Variants in GALNTL6 observed in about 807,000 individuals in gnomAD.
The protein encoded by GALNTL6 is polypeptide N-acetylgalactosaminyltransferase-like 6.
Under a neutral mutation model 73.7 loss-of-function variants are expected in GALNTL6, and 46 were observed. That is an observed-to-expected ratio of 0.62 (90% confidence interval 0.49 to 0.80). The LOEUF (loss-of-function observed/expected upper bound fraction) is 0.80, where lower values mean the gene tolerates loss of function less well. Among genes scored for constraint, GALNTL6 ranks in the 30% least tolerant of loss-of-function variants. The pLI is 0.00. For synonymous variants in GALNTL6, 259 were observed against 263.7 expected (o/e 0.98, Z 0.17); for missense variants, 604 against 755.0 (o/e 0.80, Z 2.34).
intron 2 of GALNTL6, among the ~76,000 whole-genome samples, chr4:172,088,417 G>C (rs1732110021): frequency 2.6e-5 from 4 of 152,110 alleles, no homozygotes. Context: ...GGAAATTACA[G>C]AAAAATGATT....
At chr4:171,955,874 T>C (rs1181846610) in intron 2 of GALNTL6, among the ~76,000 whole-genome samples, 2 of 152,166 alleles carry the variant, frequency 1.3e-5, no homozygotes, top group Admixed American at 6.5e-5. Context: ...AAAAAGACAT[T>C]GAAGCTTTTC....
intron 2 of GALNTL6, among the ~76,000 whole-genome samples, chr4:171,936,280 G>A (rs1165550272): frequency 2.0e-5 from 3 of 152,090 alleles, no homozygotes; most frequent in African/African-American, 4.8e-5. Flanking sequence ...TTCAGTACTT[G>A]GAAAAGGTAT....
chr4:172,401,456 T>C, intron 5 of GALNTL6, among the ~76,000 whole-genome samples: 1 of 152,296 alleles, frequency 6.6e-6, no homozygotes, highest in Non-Finnish European at 1.5e-5. Flanking sequence ...GTCATTTCTA[T>C]ATAGGTTAAA....
Position 171,865,884 on chromosome 4 carries a change from C to A in GALNTL6, c.138+51166C>A, listed in dbSNP as rs140310116. 1.3e-3 allele frequency among the ~76,000 whole-genome samples: 197 copies of A among 152,276 alleles called. 1 individual carries two copies. The highest frequency in any genetic ancestry group is 1.3e-3 in the Non-Finnish European group (89 of 67,996). ...ATGATTGCATTCTGTCAATACATTT[C>A]ATGATTGTGTTCTGTCAAACTTTTA... On this transcript the variant is annotated intron_variant, in intron 2 of 12. Coordinates refer to ENST00000506823, the MANE Select transcript of GALNTL6 (RefSeq NM_001034845.3).
chr4:172,064,471 T>A (rs922877838), intron 2 of GALNTL6, among the ~76,000 whole-genome samples: 2 of 152,228 alleles, frequency 1.3e-5, no homozygotes, highest in African/African-American at 4.8e-5. Flanking sequence ...CACAAACCTT[T>A]CTTGTGTCAC....
At chr4:172,221,365 T>G (rs1342974293) in intron 2 of GALNTL6, among the ~76,000 whole-genome samples, 1 of 151,744 alleles carries the variant, frequency 6.6e-6, no homozygotes, top group Admixed American at 6.6e-5. Flanking sequence ...AATATCCTTC[T>G]GAAGAAAAAT....
chr4:172,527,823 A>T (rs1246526504), intron 5 of GALNTL6, among the ~76,000 whole-genome samples: 1 of 152,024 alleles, frequency 6.6e-6, no homozygotes, highest in Non-Finnish European at 1.5e-5. Flanking sequence ...GAAACATTAT[A>T]TATTTTTGTT....
chr4:172,444,797 A>G (rs1231678988), intron 5 of GALNTL6, among the ~76,000 whole-genome samples: 1 of 152,126 alleles, frequency 6.6e-6, no homozygotes, highest in African/African-American at 2.4e-5. Flanking sequence ...TGAATCCTTA[A>G]TAGCTTCTAT....
chr4:172,129,226 A>G (rs539581923), intron 2 of GALNTL6, among the ~76,000 whole-genome samples: 1 of 152,352 alleles, frequency 6.6e-6, no homozygotes, highest in Non-Finnish European at 1.5e-5. Flanking sequence ...AATACAAATA[A>G]AAACGTCAAC....
chr4:172,152,589 A>T (rs1029998816), intron 2 of GALNTL6, among the ~76,000 whole-genome samples: 1 of 152,226 alleles, frequency 6.6e-6, no homozygotes, highest in Admixed American at 6.5e-5. Flanking sequence ...AAGATAGCTC[A>T]GAAGTTTCAG....
intron 2 of GALNTL6, among the ~76,000 whole-genome samples, chr4:172,001,350 T>C (rs147432140): frequency 6.6e-6 from 1 of 152,288 alleles, no homozygotes; most frequent in East Asian, 1.9e-4. Flanking sequence ...CATATCAGGA[T>C]AGCTTGATGC....
intron 5 of GALNTL6, among the ~76,000 whole-genome samples, chr4:172,661,554 T>C (rs999875742): frequency 6.6e-6 from 1 of 152,234 alleles, no homozygotes; most frequent in South Asian, 2.1e-4. Flanking sequence ...TACTGCTTAA[T>C]TTTAATTATA....
intron 2 of GALNTL6, among the ~76,000 whole-genome samples, chr4:171,940,866 T>TAA (rs1560850817): frequency 6.4e-5 from 5 of 78,280 alleles, no homozygotes; most frequent in South Asian, 4.5e-4. Context: ...TAAATAAATA[T>TAA]ATAAGTCATG....
At chr4:173,029,242 C>G (rs1192635722) in intron 12 of GALNTL6, among the ~76,000 whole-genome samples, 4 of 152,240 alleles carry the variant, frequency 2.6e-5, no homozygotes, top group Non-Finnish European at 5.9e-5. Flanking sequence ...CAGTCACACT[C>G]TCCCAGGTCA....
At chr4:172,597,589 G>GTGAA (rs1433937809) in intron 5 of GALNTL6, among the ~76,000 whole-genome samples, 2 of 152,154 alleles carry the variant, frequency 1.3e-5, no homozygotes, top group Admixed American at 6.5e-5. Context: ...TTTCTAAGAA[G>GTGAA]TGAAATTCTA....
rs150294881 is a variant in GALNTL6 at position 172,474,660 on chromosome 4, C to G, written c.553+125971C>G. Among the ~76,000 whole-genome samples the G allele has an allele frequency of 7.9e-5, 12 of 152,216 alleles. No homozygotes were observed. The East Asian group carries it at 2.1e-3, about 27-fold the overall frequency. On this transcript the variant is annotated intron_variant, in intron 5 of 12. Transcript: ENST00000506823. ...CATTTCCAGAGCTTATACTTGCCTA[C>G]TTTCTTATATCACTTAGATGAAAAT...
At chr4:172,458,972 C>T (rs1409686584) in intron 5 of GALNTL6, among the ~76,000 whole-genome samples, 2 of 152,166 alleles carry the variant, frequency 1.3e-5, no homozygotes, top group Non-Finnish European at 2.9e-5. Context: ...CAATAAAATA[C>T]TGGCAAACTA....
intron 10 of GALNTL6, among the ~76,000 whole-genome samples, chr4:172,984,339 G>T (rs1751200527): frequency 6.6e-6 from 1 of 152,142 alleles, no homozygotes; most frequent in Non-Finnish European, 1.5e-5. Context: ...GCTGAGCAAA[G>T]AAGGAAGCCC....
At chr4:172,693,252 T>C (rs1295267257) in intron 5 of GALNTL6, among the ~76,000 whole-genome samples, 1 of 152,196 alleles carries the variant, frequency 6.6e-6, no homozygotes, top group Non-Finnish European at 1.5e-5. Flanking sequence ...TAATAAATTA[T>C]GTTATCTATT....
Sources: allele counts gnomAD v4.1 joint callset (sites outside exome capture counted in the v4.1 genomes callset), GRCh38; gene constraint gnomAD v4.1.1; transcripts MANE v1.5; gene names NCBI Gene and HGNC (gene_info 2026-07-23, HGNC 2026-07-21).